The following OPHN1 variants were observed in gnomAD, a reference collection of about 807,000 sequenced individuals.
The protein encoded by OPHN1 is oligophrenin 1.
Under a neutral mutation model 60.7 loss-of-function variants are expected in OPHN1, and 11 were observed. That is an observed-to-expected ratio of 0.18 (90% confidence interval 0.11 to 0.30). The LOEUF (loss-of-function observed/expected upper bound fraction) is 0.30, where lower values mean the gene tolerates loss of function less well. Among genes scored for constraint, OPHN1 ranks in the 10% least tolerant of loss-of-function variants. OPHN1 has a pLI of 1.00. For missense variants in OPHN1, 449 were observed against 611.0 expected (o/e 0.73, Z 2.80); for synonymous variants, 226 against 222.6 (o/e 1.02, Z -0.14).
chrX:68,192,520 G>A (rs546856162), intron 15 of OPHN1, among the ~76,000 whole-genome samples: 327 of 110,019 alleles, frequency 3.0e-3, no homozygotes, highest in South Asian at 5.9e-3. Context: ...GTGCTGATGT[G>A]TTATGGAAGT....
intron 4 of OPHN1, among the ~76,000 whole-genome samples, chrX:68,278,034 T>C (rs1044609447): frequency 2.2e-4 from 25 of 111,760 alleles, no homozygotes; most frequent in African/African-American, 8.1e-4. Context: ...ATAAGGCCAC[T>C]GACTTTTACA....
intron 2 of OPHN1, among the ~76,000 whole-genome samples, chrX:68,371,423 T>C (rs1368011683): frequency 1.8e-5 from 2 of 110,153 alleles, no homozygotes; most frequent in Non-Finnish European, 3.8e-5. Context: ...TTTGCCATGC[T>C]GCCCACGCTG....
At chrX:68,357,157 A>G (rs2078445085) in intron 2 of OPHN1, among the ~76,000 whole-genome samples, 1 of 112,024 alleles carries the variant, frequency 8.9e-6, no homozygotes, top group African/African-American at 3.2e-5. Context: ...TAAATCAGCC[A>G]GGATATATAT....
chrX:68,284,968 G>A (rs1031613491), intron 3 of OPHN1, among the ~76,000 whole-genome samples: 2 of 111,883 alleles, frequency 1.8e-5, no homozygotes, highest in African/African-American at 3.2e-5. Context: ...GGACCTCTGC[G>A]TTTTGAACCC....
At chrX:68,408,140 T>C (rs2078752702) in intron 2 of OPHN1, among the ~76,000 whole-genome samples, 1 of 112,467 alleles carries the variant, frequency 8.9e-6, no homozygotes, top group African/African-American at 3.2e-5. Context: ...ATGACTCCAC[T>C]TCATCATTGT....
At chrX:68,424,447 G>A (rs2078844662) in intron 2 of OPHN1, among the ~76,000 whole-genome samples, 1 of 110,704 alleles carries the variant, frequency 9.0e-6, no homozygotes, top group Non-Finnish European at 1.9e-5. Flanking sequence ...GCCTGGTAAA[G>A]GATCATGAGG....
At chrX:68,094,711 T>C (rs892650628) in intron 19 of OPHN1, among the ~76,000 whole-genome samples, 4 of 111,194 alleles carry the variant, frequency 3.6e-5, no homozygotes, top group African/African-American at 1.3e-4. Context: ...ATTCTTCCAG[T>C]GGATTATAAG....
chrX:68,121,324 G>C (rs1446913771), intron 15 of OPHN1, among the ~76,000 whole-genome samples: 1 of 111,764 alleles, frequency 8.9e-6, no homozygotes, highest in Non-Finnish European at 1.9e-5. Context: ...GTAAAAAATG[G>C]GTAAGAAAAT....
At chrX:68,185,278 G>A (rs750202827) in intron 15 of OPHN1, among the ~76,000 whole-genome samples, 20 of 112,377 alleles carry the variant, frequency 1.8e-4, no homozygotes, top group Non-Finnish European at 3.6e-4. Context: ...ACCATGTATG[G>A]AATGGCTCAT....
At chrX:68,113,662 A>G (rs1361654891) in intron 16 of OPHN1, among the ~76,000 whole-genome samples, 1 of 110,414 alleles carries the variant, frequency 9.1e-6, no homozygotes, top group East Asian at 2.9e-4. Context: ...ACTCAGGCTC[A>G]AATGGGTTTA....
intron 6 of OPHN1, among the ~76,000 whole-genome samples, chrX:68,226,211 C>T (rs1279972998): frequency 1.8e-5 from 2 of 111,401 alleles, no homozygotes; most frequent in African/African-American, 6.5e-5. Context: ...GCAAAGCCTC[C>T]AAGAAATATG....
chrX:68,120,363 G>GA (rs921358123), intron 15 of OPHN1, among the ~76,000 whole-genome samples: 27 of 111,320 alleles, frequency 2.4e-4, no homozygotes, highest in African/African-American at 8.2e-4. Flanking sequence ...TGAACTATTT[G>GA]AAAAAAATTT....
intron 2 of OPHN1, among the ~76,000 whole-genome samples, chrX:68,371,203 T>C (rs1244654699): frequency 9.4e-6 from 1 of 106,828 alleles, no homozygotes; most frequent in African/African-American, 3.6e-5. Flanking sequence ...ACCTTTCAAG[T>C]TTTTTCTTTT....
chrX:68,217,665 A>T (rs1222960653), intron 6 of OPHN1, among the ~76,000 whole-genome samples: 1 of 110,444 alleles, frequency 9.1e-6, no homozygotes, highest in South Asian at 4.0e-4. Flanking sequence ...CCCAGCAGGG[A>T]CATACTGACA....
intron 4 of OPHN1, among the ~76,000 whole-genome samples, chrX:68,275,682 G>A (rs1421936075): frequency 9.0e-6 from 1 of 111,640 alleles, no homozygotes; most frequent in Non-Finnish European, 1.9e-5. Flanking sequence ...AGACATAGGT[G>A]TCAGTAAGAC....
At chrX:68,103,181 G>C (rs753866827) in intron 18 of OPHN1, among the ~76,000 whole-genome samples, 1 of 111,753 alleles carries the variant, frequency 8.9e-6, no homozygotes, top group Admixed American at 9.5e-5. Context: ...TATCCACCAC[G>C]ATCAAGTTGG....
chrX:68,376,536 G>A (rs898347296), intron 2 of OPHN1, among the ~76,000 whole-genome samples: 3 of 111,349 alleles, frequency 2.7e-5, no homozygotes, highest in African/African-American at 9.8e-5. Flanking sequence ...TGTGTTACTG[G>A]TTGCTATAAA....
At chrX:68,077,737 T>C (rs777279587) in intron 19 of OPHN1, among the ~76,000 whole-genome samples, 21 of 112,492 alleles carry the variant, frequency 1.9e-4, no homozygotes, top group Non-Finnish European at 3.4e-4. Flanking sequence ...TGTCAACAGA[T>C]ACATTCCTGT....
chrX:68,229,548 C>T (rs996036560), intron 6 of OPHN1, among the ~76,000 whole-genome samples: 3 of 111,547 alleles, frequency 2.7e-5, no homozygotes, highest in African/African-American at 9.8e-5. Context: ...CAGCATGGTA[C>T]TGGTACCAAA....
Sources: allele counts gnomAD v4.1 joint callset (sites outside exome capture counted in the v4.1 genomes callset), GRCh38; gene constraint gnomAD v4.1.1; transcripts MANE v1.5; gene names NCBI Gene and HGNC (gene_info 2026-07-23, HGNC 2026-07-21).